The following SAMTOR variants were observed in gnomAD, a reference collection of about 807,000 sequenced individuals.
SAMTOR encodes the protein S-adenosylmethionine sensor upstream of mTORC1.
chr7:112,836,870 A>AACATGTGATGCCTCCAG, the SAMTOR span, among the ~76,000 whole-genome samples: 3 of 152,184 alleles, frequency 2.0e-5, no homozygotes, highest in East Asian at 5.8e-4. Flanking sequence ...GAAGTTGGGT[A>AACATGTGATGCCTCCAG]ACATGTGATG....
the SAMTOR span, among the ~76,000 whole-genome samples, chr7:112,847,018 C>G: frequency 1.3e-5 from 2 of 152,146 alleles, no homozygotes; most frequent in African/African-American, 4.8e-5. Context: ...TAAGTTCTTA[C>G]AGGATTTGTA....
At chr7:112,914,336 G>C in the SAMTOR span, among the ~76,000 whole-genome samples, 2 of 129,560 alleles carry the variant, frequency 1.5e-5, no homozygotes, top group Non-Finnish European at 3.1e-5. Context: ...TAGGTAAATT[G>C]CACGTCACAG....
chr7:112,907,326 T>G, the SAMTOR span, among the ~76,000 whole-genome samples: 4 of 152,220 alleles, frequency 2.6e-5, no homozygotes, highest in African/African-American at 4.8e-5. Context: ...AAGACCAAAT[T>G]TGACTTTTAA....
chr7:112,917,566 T>C, the SAMTOR span, among the ~76,000 whole-genome samples: 1 of 152,184 alleles, frequency 6.6e-6, no homozygotes, highest in South Asian at 2.1e-4. Flanking sequence ...GGAATGCAGT[T>C]CCTCACCAGC....
the SAMTOR span, among the ~76,000 whole-genome samples, chr7:112,860,597 T>C: frequency 4.1e-4 from 63 of 152,030 alleles, no homozygotes; most frequent in African/African-American, 1.4e-3. Flanking sequence ...CTAATACAAA[T>C]GCAAGAAAAA....
the SAMTOR span, among the ~76,000 whole-genome samples, chr7:112,870,320 A>G: frequency 6.6e-5 from 10 of 152,200 alleles, no homozygotes; most frequent in Non-Finnish European, 1.2e-4. Flanking sequence ...CATCTGGCTA[A>G]CAATAGATTT....
At chr7:112,915,452 A>G in the SAMTOR span, 1 of 1,579,428 alleles carries the variant, frequency 6.3e-7, no homozygotes, top group Non-Finnish European at 8.6e-7. Context: ...CTCCCACTAA[A>G]AACAAAGTGA....
At chr7:112,919,772 C>A in the SAMTOR span, among the ~76,000 whole-genome samples, 1 of 151,864 alleles carries the variant, frequency 6.6e-6, no homozygotes, top group African/African-American at 2.4e-5. Flanking sequence ...GGGATATCAC[C>A]ACCGATCCCA....
the SAMTOR span, among the ~76,000 whole-genome samples, chr7:112,904,943 C>T: frequency 6.6e-6 from 1 of 152,158 alleles, no homozygotes; most frequent in Non-Finnish European, 1.5e-5. Flanking sequence ...GACTGCCCCT[C>T]TCAGGACCAG....
the SAMTOR span, among the ~76,000 whole-genome samples, chr7:112,853,650 T>C: frequency 8.5e-5 from 13 of 152,076 alleles, no homozygotes; most frequent in Non-Finnish European, 1.5e-4. Context: ...TTTTTTGTTG[T>C]TTTTTCAAAG....
the SAMTOR span, among the ~76,000 whole-genome samples, chr7:112,904,754 T>C: frequency 6.6e-6 from 1 of 151,936 alleles, no homozygotes; most frequent in Non-Finnish European, 1.5e-5. Flanking sequence ...AAATAAAAAG[T>C]TTAAACAAAA....
the SAMTOR span, chr7:112,939,530 G>A: frequency 6.2e-7 from 1 of 1,611,396 alleles, no homozygotes; most frequent in Non-Finnish European, 8.5e-7. Context: ...GAGGGAAGAG[G>A]TGACAAGCGG....
At chr7:112,939,873 G>C in the SAMTOR span, 5 of 737,668 alleles carry the variant, frequency 6.8e-6, no homozygotes, top group Admixed American at 2.9e-5. Flanking sequence ...GAACCGGAGC[G>C]ACAGCCTTGG....
chr7:112,890,542 A>G, the SAMTOR span, among the ~76,000 whole-genome samples: 1 of 152,130 alleles, frequency 6.6e-6, no homozygotes, highest in Non-Finnish European at 1.5e-5. Flanking sequence ...GGAAAAGCAT[A>G]GTCCATACTC....
At chr7:112,888,880 T>C in the SAMTOR span, among the ~76,000 whole-genome samples, 1 of 152,182 alleles carries the variant, frequency 6.6e-6, no homozygotes, top group African/African-American at 2.4e-5. Context: ...ATGTGAGGTA[T>C]GTATGTTTGA....
the SAMTOR span, among the ~76,000 whole-genome samples, chr7:112,849,865 G>C: frequency 2.6e-4 from 39 of 152,224 alleles, no homozygotes; most frequent in Non-Finnish European, 4.0e-4. Flanking sequence ...TATGGTTTTT[G>C]TTTTTAATTC....
chr7:112,860,828 C>T, the SAMTOR span, among the ~76,000 whole-genome samples: 2 of 145,104 alleles, frequency 1.4e-5, no homozygotes, highest in Admixed American at 1.5e-4. Context: ...AGGAGAATGG[C>T]GTGAACCGGG....
the SAMTOR span, chr7:112,939,865 A>G: frequency 0.044 from 34,006 of 776,210 alleles, 1,602 homozygotes; most frequent in African/African-American, 0.19. Context: ...AGGCAGAGGA[A>G]CCGGAGCGAC....
chr7:112,937,788 T>C, the SAMTOR span, among the ~76,000 whole-genome samples: 1 of 148,714 alleles, frequency 6.7e-6, no homozygotes, highest in East Asian at 2.0e-4. Flanking sequence ...CATTCACTTA[T>C]GAACTCCATG....
Sources: allele counts gnomAD v4.1 joint callset (sites outside exome capture counted in the v4.1 genomes callset), GRCh38; gene constraint gnomAD v4.1.1; transcripts MANE v1.5; gene names NCBI Gene and HGNC (gene_info 2026-07-23, HGNC 2026-07-21).